ARHGAP15: variants seen among roughly 807,000 people sequenced by gnomAD.
ARHGAP15 encodes the protein Rho GTPase activating protein 15.
A neutral mutation model predicts 63.7 loss-of-function variants in ARHGAP15; 51 were observed. The ratio of observed to expected loss-of-function variants is 0.80; its 90% confidence interval spans 0.64 to 1.01. The LOEUF (loss-of-function observed/expected upper bound fraction) is 1.01. Among genes scored for constraint, ARHGAP15 ranks in the 50% least tolerant of loss-of-function variants. The pLI is 0.00. For synonymous variants in ARHGAP15, 191 were observed against 193.8 expected, an observed-to-expected ratio of 0.99 and a Z score of 0.12; for missense variants, 560 against 564.6, an observed-to-expected ratio of 0.99 and a Z score of 0.08.
chr2:143,440,990 C>G (rs552612958), intron 8 of ARHGAP15, among the ~76,000 whole-genome samples: 1 of 152,304 alleles, frequency 6.6e-6, no homozygotes, highest in Admixed American at 6.5e-5. Context: ...CTGAGCTTTA[C>G]TTTCCACATC....
chr2:143,300,959 A>T (rs1006794404), intron 6 of ARHGAP15, among the ~76,000 whole-genome samples: 8 of 152,002 alleles, frequency 5.3e-5, no homozygotes, highest in African/African-American at 1.9e-4. Context: ...GAATACCTTA[A>T]TGTGTATGCA....
intron 1 of ARHGAP15, among the ~76,000 whole-genome samples, chr2:143,148,893 A>T (rs942427275): frequency 5.3e-5 from 8 of 152,062 alleles, no homozygotes; most frequent in African/African-American, 1.9e-4. Flanking sequence ...GGAAACTGAA[A>T]TTAAAATGCT....
At chr2:143,597,739 T>C (rs1574683602) in intron 11 of ARHGAP15, among the ~76,000 whole-genome samples, 1 of 152,246 alleles carries the variant, frequency 6.6e-6, no homozygotes, top group East Asian at 1.9e-4. Context: ...CAAAAACAAT[T>C]TCAAGCAAAC....
At chr2:143,201,996 C>G in intron 2 of ARHGAP15, 138 bp from the exon 3 acceptor site, 1 of 721,660 alleles carries the variant, frequency 1.4e-6, no homozygotes, top group Non-Finnish European at 2.4e-6. Context: ...TAGTCAATGT[C>G]CAAAACATTT....
intron 12 of ARHGAP15, among the ~76,000 whole-genome samples, chr2:143,655,967 T>G (rs566557987): frequency 6.6e-6 from 1 of 152,384 alleles, no homozygotes; most frequent in South Asian, 2.1e-4. Context: ...CTATGCAGTA[T>G]GTGGTTTTTC....
chr2:143,718,237 T>C (rs577744002), intron 13 of ARHGAP15, among the ~76,000 whole-genome samples: 3 of 152,282 alleles, frequency 2.0e-5, no homozygotes, highest in African/African-American at 7.2e-5. Context: ...ATTTTGTCTG[T>C]AGCTAGTAGC....
At chr2:143,544,074 T>TC (rs1295628946) in intron 10 of ARHGAP15, among the ~76,000 whole-genome samples, 1 of 152,224 alleles carries the variant, frequency 6.6e-6, no homozygotes, top group African/African-American at 2.4e-5. Context: ...GTATAAATTG[T>TC]CCAGGGAAAG....
intron 13 of ARHGAP15, among the ~76,000 whole-genome samples, chr2:143,705,824 T>C (rs1247845791): frequency 1.3e-5 from 2 of 152,038 alleles, no homozygotes; most frequent in Admixed American, 1.3e-4. Context: ...CAGAAGAGAA[T>C]CTATCTAGTT....
chr2:143,670,260 G>T (rs747726090), intron 12 of ARHGAP15, among the ~76,000 whole-genome samples: 7 of 152,102 alleles, frequency 4.6e-5, no homozygotes, highest in Non-Finnish European at 1.0e-4. Flanking sequence ...ATAATGAGAA[G>T]ACCTCACCTG....
At chr2:143,550,917 G>A (rs1317304631) in intron 10 of ARHGAP15, among the ~76,000 whole-genome samples, 1 of 152,154 alleles carries the variant, frequency 6.6e-6, no homozygotes, top group African/African-American at 2.4e-5. Context: ...GTGGTAGAGA[G>A]AAGTAAGAGT....
At chr2:143,398,696 C>T (rs1399270883) in intron 6 of ARHGAP15, among the ~76,000 whole-genome samples, 1 of 152,018 alleles carries the variant, frequency 6.6e-6, no homozygotes, top group African/African-American at 2.4e-5. Flanking sequence ...AGAAGCATCC[C>T]TCTCATTGCA....
chr2:143,385,819 A>G (rs1028464922), intron 6 of ARHGAP15, among the ~76,000 whole-genome samples: 9 of 152,098 alleles, frequency 5.9e-5, no homozygotes, highest in Non-Finnish European at 1.2e-4. Flanking sequence ...TTAGATAAAC[A>G]TTGATCTAGA....
At chr2:143,663,732 A>C (rs570353912) in intron 12 of ARHGAP15, among the ~76,000 whole-genome samples, 63 of 151,184 alleles carry the variant, frequency 4.2e-4, no homozygotes, top group African/African-American at 1.3e-3. Context: ...TCTACCAAGC[A>C]AATGGAAAAC....
At chr2:143,379,630 T>C (rs1032932745) in intron 6 of ARHGAP15, among the ~76,000 whole-genome samples, 1 of 151,834 alleles carries the variant, frequency 6.6e-6, no homozygotes, top group Admixed American at 6.6e-5. Flanking sequence ...TGAACTTTCA[T>C]TGTTTTTGTC....
At chr2:143,336,008 TA>T (rs980586980) in intron 6 of ARHGAP15, among the ~76,000 whole-genome samples, 8 of 137,718 alleles carry the variant, frequency 5.8e-5, no homozygotes, top group African/African-American at 1.8e-4. Flanking sequence ...TTTTGTAGTT[TA>T]TTTTTTTTGA....
chr2:143,360,164 AGGCCTG>A (rs1685980007), intron 6 of ARHGAP15, among the ~76,000 whole-genome samples: 10 of 151,790 alleles, frequency 6.6e-5, no homozygotes, highest in African/African-American at 2.4e-4. Flanking sequence ...GGACTGCTAG[AGGCCTG>A]GAGTTAGGAA....
chr2:143,440,884 G>A (rs1050655344), intron 8 of ARHGAP15, among the ~76,000 whole-genome samples: 1 of 152,074 alleles, frequency 6.6e-6, no homozygotes, highest in Non-Finnish European at 1.5e-5. Flanking sequence ...ATTTCTCTGA[G>A]GAAAGAGAAT....
At chr2:143,282,129 G>T (rs2105085639) in intron 6 of ARHGAP15, among the ~76,000 whole-genome samples, 1 of 151,990 alleles carries the variant, frequency 6.6e-6, no homozygotes, top group Non-Finnish European at 1.5e-5. Context: ...GAATCATATT[G>T]TTTATGATAT....
At chr2:143,726,764 G>A (rs1685298515) in intron 13 of ARHGAP15, among the ~76,000 whole-genome samples, 1 of 152,186 alleles carries the variant, frequency 6.6e-6, no homozygotes, top group South Asian at 2.1e-4. Context: ...ATAATTCATA[G>A]TGAACCTAAC....
Sources: allele counts gnomAD v4.1 joint callset (sites outside exome capture counted in the v4.1 genomes callset), GRCh38; gene constraint gnomAD v4.1.1; transcripts MANE v1.5; gene names NCBI Gene and HGNC (gene_info 2026-07-23, HGNC 2026-07-21).